The following TPRG1 variants were observed in gnomAD, a reference collection of about 807,000 sequenced individuals.
TPRG1 encodes tumor protein p63-regulated gene 1 protein.
TPRG1 carries 29 observed loss-of-function variants against 29.3 expected under a neutral mutation model. The observed-to-expected ratio is 0.99, with a 90% CI of 0.74 to 1.35. TPRG1 has a LOEUF of 1.35. Ranked by LOEUF, TPRG1 falls within the 40% of genes most tolerant of loss-of-function variation. The pLI is 0.00. For synonymous variants in TPRG1, 130 were observed against 116.8 expected, an observed-to-expected ratio of 1.11 and a Z score of -0.73; for missense variants, 327 against 335.0, an observed-to-expected ratio of 0.98 and a Z score of 0.19.
chr3:189,316,302 A>G (rs562470043), intron 5 of TPRG1, among the ~76,000 whole-genome samples: 15 of 152,358 alleles, frequency 9.8e-5, no homozygotes, highest in African/African-American at 3.6e-4. Flanking sequence ...AAAAATGTGC[A>G]AAGATGATAT....
At chr3:189,157,234 T>C (rs1361835866) in intron 5 of TPRG1, among the ~76,000 whole-genome samples, 1 of 152,212 alleles carries the variant, frequency 6.6e-6, no homozygotes, top group African/African-American at 2.4e-5. Flanking sequence ...GATCTCAGCA[T>C]TGTTCTGTCT....
chr3:189,061,646 T>C (rs1437756113), intron 4 of TPRG1, among the ~76,000 whole-genome samples: 1 of 152,174 alleles, frequency 6.6e-6, no homozygotes, highest in Admixed American at 6.5e-5. Flanking sequence ...CAGACACTTT[T>C]CAAGAGAAGA....
intron 4 of TPRG1, among the ~76,000 whole-genome samples, chr3:189,293,769 C>T (rs1455461160): frequency 1.3e-5 from 2 of 152,228 alleles, no homozygotes; most frequent in Admixed American, 1.3e-4. Flanking sequence ...TTCAGGTCCT[C>T]ACAGTTCCTC....
intron 1 of TPRG1, among the ~76,000 whole-genome samples, chr3:189,122,147 C>T (rs539839039): frequency 6.6e-6 from 1 of 151,744 alleles, no homozygotes; most frequent in South Asian, 2.1e-4. Flanking sequence ...ATTTATATTC[C>T]TTCTTTCTTT....
intron 3 of TPRG1, among the ~76,000 whole-genome samples, chr3:189,008,627 G>C (rs1712435658): frequency 6.6e-6 from 1 of 151,894 alleles, no homozygotes; most frequent in Non-Finnish European, 1.5e-5. Context: ...ATTTTTTACT[G>C]TCTTTCTTGG....
chr3:189,131,165 G>A (rs1043192697), intron 2 of TPRG1, among the ~76,000 whole-genome samples: 5 of 152,144 alleles, frequency 3.3e-5, no homozygotes, highest in Admixed American at 2.6e-4. Flanking sequence ...CGATTATGTA[G>A]TAATTTCACT....
intron 3 of TPRG1, among the ~76,000 whole-genome samples, chr3:189,225,667 C>A (rs1042682345): frequency 2.0e-5 from 3 of 148,714 alleles, no homozygotes; most frequent in African/African-American, 7.3e-5. Context: ...ACAAACAATG[C>A]ATTGTCTTCT....
At chr3:189,211,076 T>A (rs1313743157) in intron 2 of TPRG1, among the ~76,000 whole-genome samples, 1 of 152,212 alleles carries the variant, frequency 6.6e-6, no homozygotes, top group Non-Finnish European at 1.5e-5. Flanking sequence ...CTCTTATATA[T>A]TTAGGTGCAT....
intron 4 of TPRG1, among the ~76,000 whole-genome samples, chr3:189,305,999 C>T (rs1181699114): frequency 1.3e-5 from 2 of 152,204 alleles, no homozygotes; most frequent in Non-Finnish European, 2.9e-5. Flanking sequence ...AAGTGATCCT[C>T]TATTTCTGAA....
intron 4 of TPRG1, among the ~76,000 whole-genome samples, chr3:189,071,256 C>A (rs1716797237): frequency 6.6e-6 from 1 of 152,132 alleles, no homozygotes; most frequent in Non-Finnish European, 1.5e-5. Flanking sequence ...CATGTGGGAA[C>A]TTAAAGCTAA....
intron 1 of TPRG1, among the ~76,000 whole-genome samples, chr3:189,113,115 G>C (rs1370553432): frequency 6.6e-6 from 1 of 152,070 alleles, no homozygotes; most frequent in African/African-American, 2.4e-5. Flanking sequence ...TGGATTCCTA[G>C]GTATTTTATT....
intron 3 of TPRG1, among the ~76,000 whole-genome samples, chr3:189,141,186 C>T (rs2108567136): frequency 6.6e-6 from 1 of 152,284 alleles, no homozygotes; most frequent in East Asian, 1.9e-4. Flanking sequence ...AATTTCCATC[C>T]TTATACATCT....
intron 4 of TPRG1, among the ~76,000 whole-genome samples, chr3:189,075,474 C>T (rs1250760526): frequency 2.0e-5 from 3 of 152,182 alleles, no homozygotes; most frequent in Non-Finnish European, 4.4e-5. Context: ...TGTCTTTCCT[C>T]ACTCTAGACT....
intron 4 of TPRG1, among the ~76,000 whole-genome samples, chr3:189,077,923 A>C (rs1474012914): frequency 6.6e-6 from 1 of 152,128 alleles, no homozygotes; most frequent in African/African-American, 2.4e-5. Flanking sequence ...TGCTTCTTCC[A>C]AACAAAGATG....
chr3:189,293,848 G>T (rs968957426), intron 4 of TPRG1, among the ~76,000 whole-genome samples: 1 of 151,974 alleles, frequency 6.6e-6, no homozygotes, highest in Non-Finnish European at 1.5e-5. Flanking sequence ...GTCAAGTTCC[G>T]ACCATTTAAT....
At chr3:189,048,895 T>C (rs1715135498) in intron 4 of TPRG1, among the ~76,000 whole-genome samples, 1 of 152,124 alleles carries the variant, frequency 6.6e-6, no homozygotes, top group Admixed American at 6.6e-5. Context: ...AAGATCTGTT[T>C]GCAGGAGAAG....
At chr3:189,210,653 G>A (rs1735121986) in intron 2 of TPRG1, among the ~76,000 whole-genome samples, 1 of 152,108 alleles carries the variant, frequency 6.6e-6, no homozygotes, top group African/African-American at 2.4e-5. Context: ...TCTGTCCTGA[G>A]ACCACATTTT....
intron 3 of TPRG1, among the ~76,000 whole-genome samples, chr3:189,222,573 G>A (rs1336859325): frequency 6.6e-6 from 1 of 152,114 alleles, no homozygotes; most frequent in Non-Finnish European, 1.5e-5. Flanking sequence ...TCTCATCCCA[G>A]CCAGGCCTAC....
At chr3:189,016,890 A>C (rs1007109100) in intron 3 of TPRG1, among the ~76,000 whole-genome samples, 1 of 152,102 alleles carries the variant, frequency 6.6e-6, no homozygotes, top group Non-Finnish European at 1.5e-5. Flanking sequence ...TTTTCTTCAT[A>C]AATTACTCAG....
Sources: allele counts gnomAD v4.1 joint callset (sites outside exome capture counted in the v4.1 genomes callset), GRCh38; gene constraint gnomAD v4.1.1; transcripts MANE v1.5; gene names NCBI Gene and HGNC (gene_info 2026-07-23, HGNC 2026-07-21).